PTPRT: variants seen among roughly 807,000 people sequenced by gnomAD.
PTPRT encodes the protein protein tyrosine phosphatase receptor type T, also known as receptor-type tyrosine-protein phosphatase T.
A neutral mutation model predicts 176.8 loss-of-function variants in PTPRT; 56 were observed. That is an observed-to-expected ratio of 0.32 (90% confidence interval 0.26 to 0.40). The LOEUF (loss-of-function observed/expected upper bound fraction) is 0.40. Among genes scored for constraint, PTPRT ranks in the 10% least tolerant of loss-of-function variants. The pLI is 1.00. For missense variants in PTPRT, 1,540 were observed against 1,908.2 expected (o/e 0.81, Z 3.60); for synonymous variants, 783 against 739.0 (o/e 1.06, Z -0.96).
chr20:42,635,863 T>C (rs1164266845), intron 7 of PTPRT, among the ~76,000 whole-genome samples: 1 of 152,156 alleles, frequency 6.6e-6, no homozygotes, highest in East Asian at 1.9e-4. Context: ...CAGCTTGATA[T>C]CGTCACCAAG....
At chr20:42,118,140 G>T (rs1466465511) in intron 21 of PTPRT, among the ~76,000 whole-genome samples, 1 of 152,218 alleles carries the variant, frequency 6.6e-6, no homozygotes, top group African/African-American at 2.4e-5. Flanking sequence ...CAATGAGGGA[G>T]TGAACGACTG....
At chr20:43,030,000 T>C (rs1452331355) in intron 1 of PTPRT, among the ~76,000 whole-genome samples, 1 of 152,234 alleles carries the variant, frequency 6.6e-6, no homozygotes, top group Non-Finnish European at 1.5e-5. Flanking sequence ...TGAACTTTTG[T>C]GGTTGTAGTT....
intron 2 of PTPRT, among the ~76,000 whole-genome samples, chr20:42,843,756 C>T (rs1044507884): frequency 6.6e-6 from 1 of 152,232 alleles, no homozygotes; most frequent in Admixed American, 6.5e-5. Context: ...CTAAAGCCAT[C>T]TCTGGCTGAA....
At chr20:42,477,115 C>T (rs1166125609) in intron 7 of PTPRT, among the ~76,000 whole-genome samples, 1 of 152,158 alleles carries the variant, frequency 6.6e-6, no homozygotes, top group African/African-American at 2.4e-5. Context: ...TTGGCCATGG[C>T]ACTTTGCACT....
At chr20:42,184,119 A>G (rs1990631672) in intron 16 of PTPRT, among the ~76,000 whole-genome samples, 2 of 152,272 alleles carry the variant, frequency 1.3e-5, no homozygotes, top group Non-Finnish European at 2.9e-5. Flanking sequence ...GAGCTGTCAC[A>G]GTCATCTCCA....
intron 1 of PTPRT, among the ~76,000 whole-genome samples, chr20:42,962,554 T>C (rs1023026802): frequency 7.2e-5 from 11 of 152,142 alleles, no homozygotes; most frequent in African/African-American, 2.4e-4. Context: ...AAACAAGACA[T>C]TTACATGGAT....
intron 6 of PTPRT, among the ~76,000 whole-genome samples, chr20:42,689,748 G>A (rs1399221979): frequency 1.3e-5 from 2 of 152,140 alleles, no homozygotes; most frequent in Non-Finnish European, 2.9e-5. Flanking sequence ...GTCGGAGAGA[G>A]CGATTGGAAG....
intron 7 of PTPRT, among the ~76,000 whole-genome samples, chr20:42,505,747 T>A (rs969346031): frequency 2.0e-5 from 3 of 152,138 alleles, no homozygotes; most frequent in African/African-American, 7.2e-5. Flanking sequence ...AATTAATGCA[T>A]CTCTGCAAAT....
In PTPRT at chr20:42,551,406, T is replaced by C. The variant is rs572813156; in HGVS notation, c.1154-78844A>G. Among the ~76,000 whole-genome samples the C allele has an allele frequency of 2.0e-5, 3 of 152,290 alleles. No homozygotes were observed. The East Asian group carries it at 5.8e-4, about 29-fold the overall frequency. ...ATCCATAGACAAATTTCAATAATTA[T>C]CTTAGTCAACCCATTAATTAGTCTA... On this transcript the variant is annotated intron_variant, in intron 7 of 30. Coordinates refer to ENST00000373187, the MANE Select transcript of PTPRT (RefSeq NM_007050.6).
At chr20:42,206,169 A>C (rs2055454590) in intron 15 of PTPRT, among the ~76,000 whole-genome samples, 1 of 152,192 alleles carries the variant, frequency 6.6e-6, no homozygotes, top group East Asian at 1.9e-4. Flanking sequence ...AGTGTCTTAC[A>C]AATGCAGCAA....
intron 6 of PTPRT, among the ~76,000 whole-genome samples, 198 bp downstream of exon 6, chr20:42,756,264 A>G (rs2076830960): frequency 1.3e-5 from 2 of 152,254 alleles, no homozygotes; most frequent in Non-Finnish European, 1.5e-5. Context: ...AAGTTGGAAT[A>G]GCAATGCAAT....
chr20:42,252,522 A>T (rs2056564196), intron 13 of PTPRT, among the ~76,000 whole-genome samples: 1 of 152,164 alleles, frequency 6.6e-6, no homozygotes, highest in Non-Finnish European at 1.5e-5. Flanking sequence ...ACAGGTAGGA[A>T]GTAAACCTGG....
At chr20:42,447,688 A>C (rs1274845125) in intron 9 of PTPRT, among the ~76,000 whole-genome samples, 1 of 151,994 alleles carries the variant, frequency 6.6e-6, no homozygotes. Flanking sequence ...TTCATCTCTG[A>C]TATGGTAAGG....
chr20:42,378,767 A>G (rs958763357), intron 9 of PTPRT, among the ~76,000 whole-genome samples: 8 of 152,188 alleles, frequency 5.3e-5, no homozygotes, highest in African/African-American at 1.7e-4. Flanking sequence ...TAACTTCCTG[A>G]GGCTCAGTTT....
At chr20:42,489,569 T>C (rs1322204627) in intron 7 of PTPRT, among the ~76,000 whole-genome samples, 3 of 152,082 alleles carry the variant, frequency 2.0e-5, no homozygotes, top group Non-Finnish European at 4.4e-5. Context: ...ACCATTTTAA[T>C]ATATTTATTT....
intron 1 of PTPRT, among the ~76,000 whole-genome samples, chr20:43,071,287 T>C (rs1253849509): frequency 1.3e-5 from 2 of 152,278 alleles, no homozygotes; most frequent in African/African-American, 2.4e-5. Context: ...GCTCGTTAGA[T>C]ATGCAAATCT....
At chr20:42,870,512 T>A (rs1004456003) in intron 2 of PTPRT, among the ~76,000 whole-genome samples, 1 of 152,254 alleles carries the variant, frequency 6.6e-6, no homozygotes, top group African/African-American at 2.4e-5. Flanking sequence ...TTATTTTAGA[T>A]ATACTGTCAC....
chr20:42,074,854 T>A lies in PTPRT; in HGVS notation c.*6025A>T, dbSNP rs904310182. ...CAAGACATCTCTATAGTCAGTGCCA[T>A]GCAAAAGCCCATCCCTGGTTACTAA... On this transcript the variant is annotated 3_prime_UTR_variant, in exon 31 of 31. Coordinates refer to ENST00000373187, the MANE Select transcript of PTPRT (RefSeq NM_007050.6). The A allele has an allele frequency of 2.5e-6, 1 of 398,538 alleles. No individual in the cohort carries two copies. Among genetic ancestry groups the A allele is most frequent in the South Asian group, 1.3e-4 (1 of 7,864 alleles). The allele number at this position is 398,538 out of a possible 1,614,324, so 24.7% of individuals were successfully genotyped here.
At chr20:43,028,540 T>C (rs1986012116) in intron 1 of PTPRT, among the ~76,000 whole-genome samples, 1 of 152,148 alleles carries the variant, frequency 6.6e-6, no homozygotes, top group Admixed American at 6.5e-5. Context: ...CCTTTTAAAA[T>C]GACATAAGCA....
Sources: allele counts gnomAD v4.1 joint callset (sites outside exome capture counted in the v4.1 genomes callset), GRCh38; gene constraint gnomAD v4.1.1; transcripts MANE v1.5; gene names NCBI Gene and HGNC (gene_info 2026-07-23, HGNC 2026-07-21).